Variants in LAMP2 observed in about 807,000 individuals in gnomAD.
LAMP2 encodes the protein lysosome associated membrane protein 2, also known as lysosome-associated membrane glycoprotein 2.
Under a neutral mutation model 25.6 loss-of-function variants are expected in LAMP2, and 4 were observed. That is an observed-to-expected ratio of 0.16 (90% CI 0.08 to 0.36). The LOEUF is 0.36. LAMP2 is among the 10% of genes least tolerant of loss of function. The pLI, the probability that LAMP2 is intolerant of heterozygous loss-of-function variation, is 1.00. For missense variants in LAMP2, 272 were observed against 301.4 expected, an observed-to-expected ratio of 0.90 and a Z score of 0.72; for synonymous variants, 108 against 112.7, an observed-to-expected ratio of 0.96 and a Z score of 0.27.
At chrX:120,433,963 G>A (rs1251402266) in intron 8 of LAMP2, among the ~76,000 whole-genome samples, 2 of 111,432 alleles carry the variant, frequency 1.8e-5, no homozygotes, top group Non-Finnish European at 3.8e-5. Flanking sequence ...ACATTGACTT[G>A]GGCTGCCAGT....
intron 8 of LAMP2, among the ~76,000 whole-genome samples, chrX:120,432,813 A>G (rs1344083009): frequency 9.0e-6 from 1 of 110,662 alleles, no homozygotes; most frequent in African/African-American, 3.3e-5. Context: ...CTGTGTCCTT[A>G]GTTGAGCATG....
intron 8 of LAMP2, among the ~76,000 whole-genome samples, chrX:120,436,220 C>T (rs1466144319): frequency 9.3e-6 from 1 of 108,035 alleles, no homozygotes; most frequent in Non-Finnish European, 1.9e-5. Context: ...CTCATTAGAC[C>T]TACTACGTTA....
chrX:120,426,583 T>C lies in LAMP2; in HGVS notation c.*4740A>G, dbSNP rs1324746602. On this transcript the variant is annotated 3_prime_UTR_variant, in exon 9 of 9. Coordinates refer to ENST00000200639, the MANE Select transcript of LAMP2 (RefSeq NM_002294.3). ...GATAACTATTGAGGAATTAGTGATA[T>C]TAGTCTCATACCCAAAAGGTAGAAC... 8.9e-6 allele frequency among the ~76,000 whole-genome samples: 1 copy of C among 111,828 alleles called. No individual in the cohort carries two copies. Among genetic ancestry groups the C allele is most frequent in the Non-Finnish European group, 1.9e-5 (1 of 53,101 alleles).
chrX:120,438,029 G>A (rs768352796), intron 8 of LAMP2: 1 of 248,996 alleles, frequency 4.0e-6, no homozygotes, highest in African/African-American at 3.0e-5. Context: ...CTAATTTTTT[G>A]TATTTCTGAT....
rs367625418 is a variant in LAMP2 at position 120,456,740 on chromosome X, T to C, written c.94A>G (p.Asn32Asp). 8.5e-7 allele frequency: 1 copy of C among 1,171,350 alleles called. No homozygotes were observed. Among genetic ancestry groups the C allele is most frequent in the Non-Finnish European group, 1.2e-6 (1 of 864,291 alleles). The change falls in exon 2 of 9, where the codon AAT becomes GAT. Residue 32 changes from asparagine (N) to aspartate (D), a missense_variant. By Grantham distance (23) the Asn-to-Asp change is conservative (BLOSUM62 1). Transcript: ENST00000200639. ...GAVRSYALEL[N>D]LTDSENATCL... ...GTGGCATTTTCTGAATCTGTCAAATTAAGTTCCAATGCATAAGACCGCACA... is the reference window on the plus strand; with the variant it reads ...GTGGCATTTTCTGAATCTGTCAAATCAAGTTCCAATGCATAAGACCGCACA...
chrX:120,458,320 C>G (rs1921186929), intron 1 of LAMP2, among the ~76,000 whole-genome samples: 1 of 112,107 alleles, frequency 8.9e-6, no homozygotes, highest in East Asian at 2.8e-4. Context: ...TAATCATTTT[C>G]TTTCCAAATA....
At chrX:120,453,326 G>C (rs767740831) in intron 3 of LAMP2, among the ~76,000 whole-genome samples, 13 of 111,607 alleles carry the variant, frequency 1.2e-4, no homozygotes, top group Non-Finnish European at 7.5e-5. Flanking sequence ...TGGTTCTTTC[G>C]AATAGGATCT....
At chrX:120,457,394 G>T (rs1921142493) in intron 1 of LAMP2, among the ~76,000 whole-genome samples, 1 of 112,135 alleles carries the variant, frequency 8.9e-6, no homozygotes, top group Non-Finnish European at 1.9e-5. Context: ...TTTCTATCAT[G>T]TAACCAAGGA....
chrX:120,455,539 A>G lies in LAMP2; in HGVS notation c.215T>C (p.Val72Ala). The change falls in exon 3 of 9, where the codon GTG becomes GCG. Residue 72 changes from valine (V) to alanine (A), a missense_variant. By Grantham distance (64) the Val-to-Ala change is moderately conservative (BLOSUM62 0). Coordinates refer to ENST00000200639, the MANE Select transcript of LAMP2 (RefSeq NM_002294.3). ...KTVTISDHGT[V>A]TYNGSICGDD... is the part of the protein sequence containing the mutation. ...CCCACAAATGCTTCCATTATATGTC[A>G]CAGTGCCATGGTCTGAAATGGTTAC... The G allele has an allele frequency of 1.7e-6, 2 of 1,209,171 alleles. No individual in the cohort carries two copies. Among genetic ancestry groups the G allele is most frequent in the Non-Finnish European group, 2.2e-6 (2 of 893,400 alleles).
rs397516735 is a variant in LAMP2, at chrX:120,456,676, C to T, written c.158G>A (p.Arg53His). The T allele has an allele frequency of 6.0e-5, 68 of 1,141,869 alleles. No individual in the cohort carries two copies. The South Asian group carries it at 9.7e-4, about 16-fold the overall frequency. 94.1% of individuals were successfully genotyped at this position (1,141,869 alleles called of 1,213,427 possible). A position where few individuals can be genotyped will look rare whatever the true frequency, so the allele number is the denominator to read the frequency against. ...ATAAGTTTTATTTGTAGTTTCATAG[C>T]GTACTGTGAAATTCATCTGCCATTT... ...YAKWQMNFTV[R>H]YETTNKTYKT... Residue 53 changes from arginine to histidine, a missense_variant, in exon 2 of 9, where the codon CGC becomes CAC. Transcript: ENST00000200639.
At chrX:120,441,164 A>G (rs2058570184) in intron 8 of LAMP2, among the ~76,000 whole-genome samples, 1 of 84,029 alleles carries the variant, frequency 1.2e-5, no homozygotes, top group Admixed American at 1.4e-4. Context: ...GTATGAACAC[A>G]TTATAATGAG....
chrX:120,432,309 A>T (rs2058526153), intron 8 of LAMP2, among the ~76,000 whole-genome samples: 1 of 111,117 alleles, frequency 9.0e-6, no homozygotes, highest in South Asian at 3.8e-4. Context: ...ATGGATCAAA[A>T]GGTATTTTTG....
intron 8 of LAMP2, among the ~76,000 whole-genome samples, chrX:120,435,768 TG>T (rs1467588806): frequency 8.9e-6 from 1 of 111,988 alleles, no homozygotes; most frequent in Non-Finnish European, 1.9e-5. Flanking sequence ...GATGACTAAC[TG>T]GCATTCACAT....
intron 8 of LAMP2, among the ~76,000 whole-genome samples, chrX:120,433,207 C>A (rs988323982): frequency 1.8e-5 from 2 of 111,319 alleles, no homozygotes; most frequent in African/African-American, 6.5e-5. Context: ...TGAAACATGT[C>A]CATTGCCTCT....
At chrX:120,452,526 T>C (rs1300774727) in intron 3 of LAMP2, among the ~76,000 whole-genome samples, 1 of 110,106 alleles carries the variant, frequency 9.1e-6, no homozygotes. Flanking sequence ...GGAACACTTT[T>C]AAATCAGCCA....
chrX:120,431,564 G>GT (rs1408642337), intron 8 of LAMP2, 102 bp from the exon 9 acceptor site: 3 of 736,251 alleles, frequency 4.1e-6, no homozygotes, highest in Non-Finnish European at 6.4e-6. Flanking sequence ...GCATATTTTG[G>GT]TTTTTTATAC....
chrX:120,454,431 G>A (rs980791422), intron 3 of LAMP2, among the ~76,000 whole-genome samples: 1 of 110,185 alleles, frequency 9.1e-6, no homozygotes, highest in East Asian at 2.8e-4. Flanking sequence ...CCTAGTCTCA[G>A]GTTACTTAAC....
chrX:120,435,233 T>C (rs2092058873), intron 8 of LAMP2, among the ~76,000 whole-genome samples: 1 of 112,577 alleles, frequency 8.9e-6, no homozygotes, highest in Non-Finnish European at 1.9e-5. Flanking sequence ...ATATACATTT[T>C]ATATCTATAA....
intron 8 of LAMP2, among the ~76,000 whole-genome samples, chrX:120,441,515 G>A (rs1378540033): frequency 8.9e-6 from 1 of 111,991 alleles, no homozygotes; most frequent in Non-Finnish European, 1.9e-5. Context: ...GCTTCTATCA[G>A]TTTTAGCTTT....
Sources: allele counts gnomAD v4.1 joint callset (sites outside exome capture counted in the v4.1 genomes callset), GRCh38; gene constraint gnomAD v4.1.1; transcripts MANE v1.5; gene names NCBI Gene and HGNC (gene_info 2026-07-23, HGNC 2026-07-21).